The following EXT1 variants were observed in gnomAD, a reference collection of about 807,000 sequenced individuals.
The protein encoded by EXT1 is exostosin-1.
In EXT1, 20 loss-of-function variants were observed where a neutral mutation model predicts 82.5. The observed-to-expected ratio is 0.24, with a 90% CI of 0.17 to 0.35. The LOEUF is 0.35. EXT1 is among the 10% of genes least tolerant of loss of function. EXT1 has a pLI of 1.00. For missense variants in EXT1, 757 were observed against 936.5 expected (o/e 0.81, Z 2.50); for synonymous variants, 348 against 350.8 (o/e 0.99, Z 0.09).
chr8:117,894,475 T>C (rs894840561), intron 1 of EXT1, among the ~76,000 whole-genome samples: 11 of 152,184 alleles, frequency 7.2e-5, no homozygotes, highest in African/African-American at 2.7e-4. Flanking sequence ...AACGCTGTTA[T>C]AATGAACAGA....
At position 118,111,080 on chromosome 8, in the gene EXT1, A is replaced by G. The variant is rs762802461; in HGVS notation, c.-34T>C. 3.5e-5 allele frequency: 54 copies of G among 1,558,128 alleles called. No individual in the cohort carries two copies. Among genetic ancestry groups the G allele is most frequent in the Admixed American group, 1.3e-4 (7 of 53,574 alleles). On this transcript the variant is annotated 5_prime_UTR_variant, in exon 1 of 11. Coordinates refer to ENST00000378204, the MANE Select transcript of EXT1 (RefSeq NM_000127.3). Reference sequence around the variant, plus strand: ...CCTGGGTCAAGAGGATTGTAAATAAACACAAGAATCACCCAAGTTTCCCAA... The same window carrying G: ...CCTGGGTCAAGAGGATTGTAAATAAGCACAAGAATCACCCAAGTTTCCCAA...
intron 1 of EXT1, among the ~76,000 whole-genome samples, chr8:117,985,481 T>A (rs1050984363): frequency 6.6e-6 from 1 of 152,132 alleles, no homozygotes; most frequent in Admixed American, 6.6e-5. Flanking sequence ...ACCCCTGGAA[T>A]GTAAAGAGTT....
chr8:117,994,824 GAT>G (rs1414753278), intron 1 of EXT1, among the ~76,000 whole-genome samples: 1 of 152,182 alleles, frequency 6.6e-6, no homozygotes, highest in Non-Finnish European at 1.5e-5. Context: ...GATGCAATCA[GAT>G]ACAGCCAGAG....
At chr8:117,817,513 C>T (rs1049141360) in intron 7 of EXT1, among the ~76,000 whole-genome samples, 1 of 151,874 alleles carries the variant, frequency 6.6e-6, no homozygotes, top group African/African-American at 2.4e-5. Flanking sequence ...CTATAAGTAA[C>T]AAGCAGAAGC....
intron 1 of EXT1, among the ~76,000 whole-genome samples, chr8:117,928,772 A>G (rs1041482035): frequency 6.6e-6 from 1 of 152,186 alleles, no homozygotes; most frequent in African/African-American, 2.4e-5. Flanking sequence ...ATATTAAAAA[A>G]AAAAAAGATG....
chr8:118,108,007 C>G (rs774992061), intron 1 of EXT1, among the ~76,000 whole-genome samples: 6 of 152,066 alleles, frequency 3.9e-5, no homozygotes, highest in Non-Finnish European at 8.8e-5. Flanking sequence ...GGTCCTGACC[C>G]CTTGTGGTCT....
intron 1 of EXT1, among the ~76,000 whole-genome samples, chr8:117,842,725 A>G (rs1340050191): frequency 6.6e-6 from 1 of 152,260 alleles, no homozygotes; most frequent in Non-Finnish European, 1.5e-5. Context: ...AAATGGAAAC[A>G]GAAGCTGTGA....
chr8:117,827,448 T>C (rs1157111170), intron 4 of EXT1, among the ~76,000 whole-genome samples: 2 of 152,038 alleles, frequency 1.3e-5, no homozygotes, highest in African/African-American at 4.8e-5. Context: ...GGTAAACAAC[T>C]AATAGGATAG....
chr8:117,994,313 T>C (rs964034131), intron 1 of EXT1, among the ~76,000 whole-genome samples: 1 of 152,164 alleles, frequency 6.6e-6, no homozygotes, highest in African/African-American at 2.4e-5. Context: ...AAAATCTTCA[T>C]TAAAAGGACT....
intron 1 of EXT1, among the ~76,000 whole-genome samples, chr8:117,992,800 G>T (rs200288958): frequency 3.9e-5 from 6 of 152,198 alleles, no homozygotes; most frequent in African/African-American, 1.4e-4. Flanking sequence ...AGAACCTTCC[G>T]TGGCATGGGA....
At chr8:117,977,391 T>TA (rs34970501) in intron 1 of EXT1, among the ~76,000 whole-genome samples, 12,192 of 128,900 alleles carry the variant, frequency 0.095, 1,540 homozygotes, top group African/African-American at 0.29. Context: ...TGTCTCAAAA[T>TA]AAAAAAAAAA....
chr8:118,060,084 A>G (rs562585174), intron 1 of EXT1, among the ~76,000 whole-genome samples: 3 of 152,186 alleles, frequency 2.0e-5, no homozygotes, highest in Non-Finnish European at 2.9e-5. Context: ...AGAGCGCTCA[A>G]TGAGTGCTAA....
intron 1 of EXT1, among the ~76,000 whole-genome samples, chr8:117,909,926 C>T (rs1221138628): frequency 2.0e-5 from 3 of 152,124 alleles, no homozygotes; most frequent in African/African-American, 4.8e-5. Context: ...CACTGCCATG[C>T]CCAGCTAATT....
At chr8:118,091,362 G>A (rs1817520539) in intron 1 of EXT1, among the ~76,000 whole-genome samples, 1 of 152,172 alleles carries the variant, frequency 6.6e-6, no homozygotes, top group African/African-American at 2.4e-5. Context: ...CGAACCTCAA[G>A]GAGGGTAAAA....
intron 1 of EXT1, among the ~76,000 whole-genome samples, chr8:117,964,033 T>C (rs964102978): frequency 2.6e-5 from 4 of 152,222 alleles, no homozygotes; most frequent in Non-Finnish European, 5.9e-5. Flanking sequence ...GTGAAAACTA[T>C]AAAATATGCA....
chr8:117,933,651 CACTT>C (rs894507299), intron 1 of EXT1, among the ~76,000 whole-genome samples: 1 of 152,136 alleles, frequency 6.6e-6, no homozygotes, highest in Admixed American at 6.5e-5. Flanking sequence ...TTCTTGGTCT[CACTT>C]ACTGCTGCGT....
intron 1 of EXT1, among the ~76,000 whole-genome samples, chr8:118,051,922 C>A (rs1324448050): frequency 1.3e-5 from 2 of 152,170 alleles, no homozygotes; most frequent in African/African-American, 4.8e-5. Context: ...TGCTATTGGC[C>A]TTTGAAAGGG....
At chr8:117,973,885 G>GAAA (rs1425107445) in intron 1 of EXT1, among the ~76,000 whole-genome samples, 2 of 73,526 alleles carry the variant, frequency 2.7e-5, no homozygotes, top group African/African-American at 5.2e-5. Context: ...GGAAAGGAAA[G>GAAA]GAAGGAAAGG....
intron 1 of EXT1, among the ~76,000 whole-genome samples, chr8:117,954,324 G>C (rs1814548531): frequency 1.3e-5 from 2 of 152,286 alleles, no homozygotes; most frequent in Non-Finnish European, 2.9e-5. Context: ...TTGCTCCTAA[G>C]AGGAGACCCA....
Sources: gnomAD v4.1 joint callset for allele counts (sites outside exome capture counted in the v4.1 genomes callset) on GRCh38, gnomAD v4.1.1 for gene constraint, MANE v1.5 for transcripts, NCBI Gene and HGNC (gene_info 2026-07-23, HGNC 2026-07-21) for gene names.